Variants in SNX29 observed in about 807,000 individuals in gnomAD.
The protein encoded by SNX29 is sorting nexin-29.
A neutral mutation model predicts 102.1 loss-of-function variants in SNX29; 78 were observed. The observed-to-expected ratio is 0.76, with a 90% CI of 0.64 to 0.92. The LOEUF (loss-of-function observed/expected upper bound fraction) is 0.92, where lower values mean the gene tolerates loss of function less well. Ranked by LOEUF, SNX29 falls within the 40% of genes least tolerant of loss-of-function variation. SNX29 has a pLI of 0.00. For missense variants in SNX29, 1,280 were observed against 1,061.7 expected, an observed-to-expected ratio of 1.21 and a Z score of -2.86; for synonymous variants, 580 against 414.5, an observed-to-expected ratio of 1.40 and a Z score of -4.85.
At chr16:12,253,135 C>T (rs548832546) in intron 14 of SNX29, among the ~76,000 whole-genome samples, 1 of 152,312 alleles carries the variant, frequency 6.6e-6, no homozygotes, top group South Asian at 2.1e-4. Context: ...CCCTCAGCAG[C>T]ATGTGCCAGG....
At chr16:12,026,175 T>C (rs1430360112) in intron 3 of SNX29, among the ~76,000 whole-genome samples, 2 of 152,236 alleles carry the variant, frequency 1.3e-5, no homozygotes, top group Non-Finnish European at 2.9e-5. Context: ...CTTTCCAGCC[T>C]GCTGCCCTTG....
At chr16:12,087,744 G>A (rs2052279419) in intron 11 of SNX29, 1 of 415,772 alleles carries the variant, frequency 2.4e-6, no homozygotes, top group Non-Finnish European at 4.9e-6. Flanking sequence ...AAGTCACTGA[G>A]GCAGAGGCCA....
chr16:12,567,645 C>G (rs974578282), intron 20 of SNX29, among the ~76,000 whole-genome samples: 1 of 152,072 alleles, frequency 6.6e-6, no homozygotes, highest in Non-Finnish European at 1.5e-5. Flanking sequence ...ACCTATAGTC[C>G]CAGCTGCTCA....
chr16:12,432,933 G>T lies in SNX29; in HGVS notation c.2037+29404G>T, dbSNP rs776279711. Among the ~76,000 whole-genome samples the T allele has an allele frequency of 1.1e-4, 16 of 152,334 alleles. 1 individual carries two copies. In the South Asian group the frequency reaches 2.1e-3, roughly 20 times the overall value. The stretch of plus-strand genomic sequence containing the variant: ...TTTTAGGGAAGGGCTTTGGTGGACC[G>T]GACCTGGTGCATGGGGTAGTGTGAT... On this transcript the variant is annotated intron_variant, in intron 18 of 20. Coordinates refer to ENST00000566228, the MANE Select transcript of SNX29 (RefSeq NM_032167.5).
intron 20 of SNX29, among the ~76,000 whole-genome samples, chr16:12,561,577 A>G (rs551493599): frequency 2.0e-4 from 30 of 152,242 alleles, no homozygotes; most frequent in Non-Finnish European, 2.9e-4. Flanking sequence ...CTGTCCGATT[A>G]ATGTCAGCCG....
chr16:12,514,324 A>G (rs1567640998), intron 19 of SNX29, among the ~76,000 whole-genome samples: 2 of 151,996 alleles, frequency 1.3e-5, no homozygotes, highest in African/African-American at 4.8e-5. Flanking sequence ...AGCTCCCCCT[A>G]CCTCAGGCGC....
intron 18 of SNX29, among the ~76,000 whole-genome samples, chr16:12,408,157 C>CAAAAAAAAAAA (rs1555530421): frequency 4.9e-4 from 70 of 142,842 alleles, no homozygotes; most frequent in South Asian, 6.7e-4. Flanking sequence ...GGACCCTTCT[C>CAAAAAAAAAAA]AAAAAAACAA....
chr16:12,226,196 C>G (rs937348823), intron 14 of SNX29, among the ~76,000 whole-genome samples: 1 of 152,170 alleles, frequency 6.6e-6, no homozygotes, highest in Non-Finnish European at 1.5e-5. Context: ...TAGGCAGCCA[C>G]TAGAAAGGTG....
chr16:12,468,122 C>T (rs186024647), intron 18 of SNX29, among the ~76,000 whole-genome samples: 130 of 151,618 alleles, frequency 8.6e-4, no homozygotes, highest in Admixed American at 8.6e-3. Flanking sequence ...TCTGCCCTGC[C>T]CTTTGCCCTA....
intron 19 of SNX29, among the ~76,000 whole-genome samples, chr16:12,516,164 G>C (rs1256474102): frequency 6.6e-6 from 1 of 152,152 alleles, no homozygotes; most frequent in Non-Finnish European, 1.5e-5. Context: ...GAAGAAACGG[G>C]GTTGGTGAGC....
chr16:12,056,088 G>T (rs1472761527), intron 8 of SNX29, among the ~76,000 whole-genome samples: 3 of 152,096 alleles, frequency 2.0e-5, no homozygotes, highest in Non-Finnish European at 4.4e-5. Flanking sequence ...CACCATGTTG[G>T]CCAGGCCTGT....
At chr16:12,317,371 C>G (rs2080784246) in intron 15 of SNX29, among the ~76,000 whole-genome samples, 1 of 152,196 alleles carries the variant, frequency 6.6e-6, no homozygotes, top group African/African-American at 2.4e-5. Flanking sequence ...TGTCTTGGCT[C>G]TTCCGTGAAG....
rs114845146 is a variant in SNX29 at position 12,116,155 on chromosome 16, A to C, written c.1403-10478A>C. ...GTGGGAAACAGTTTGGTGGATCCTT[A>C]AAACGTTAGTGGAATTACCGCATGT... On this transcript the variant is annotated intron_variant, in intron 11 of 20. Transcript: ENST00000566228. 3.2e-3 allele frequency among the ~76,000 whole-genome samples: 494 copies of C among 152,350 alleles called. 3 individuals carry two copies. Among genetic ancestry groups the C allele is most frequent in the African/African-American group, 0.011 (470 of 41,582 alleles).
intron 4 of SNX29, among the ~76,000 whole-genome samples, chr16:12,035,005 C>T (rs1187780994): frequency 6.6e-6 from 1 of 151,376 alleles, no homozygotes; most frequent in Non-Finnish European, 1.5e-5. Context: ...AGCAAGACTC[C>T]ACCTCAAAAA....
intron 20 of SNX29, chr16:12,561,270 G>A (rs772268202): frequency 2.2e-5 from 5 of 230,038 alleles, no homozygotes; most frequent in Non-Finnish European, 3.4e-5. Flanking sequence ...GATCCAAGGG[G>A]CTAAGACACA....
At chr16:12,356,366 A>G in intron 16 of SNX29, 87 bp downstream of exon 16, 1 of 1,262,006 alleles carries the variant, frequency 7.9e-7, no homozygotes, top group Admixed American at 2.1e-5. Flanking sequence ...AGAGCAAGCA[A>G]CCATGCATCC....
chr16:12,435,816 G>T (rs914853500), intron 18 of SNX29, among the ~76,000 whole-genome samples: 1 of 152,200 alleles, frequency 6.6e-6, no homozygotes, highest in Non-Finnish European at 1.5e-5. Flanking sequence ...TGGTTCCCCT[G>T]GCTTCTGGGC....
At chr16:12,094,148 C>T (rs1361687177) in intron 11 of SNX29, among the ~76,000 whole-genome samples, 1 of 152,106 alleles carries the variant, frequency 6.6e-6, no homozygotes, top group Non-Finnish European at 1.5e-5. Context: ...ATCATAGTAC[C>T]CCTCTGACAC....
intron 15 of SNX29, among the ~76,000 whole-genome samples, chr16:12,333,599 G>A (rs1176939036): frequency 1.3e-5 from 2 of 152,136 alleles, no homozygotes; most frequent in African/African-American, 4.8e-5. Flanking sequence ...GCCTGGTGCT[G>A]TCTAGGTGTT....
Sources: gnomAD v4.1 joint callset for allele counts (sites outside exome capture counted in the v4.1 genomes callset) on GRCh38, gnomAD v4.1.1 for gene constraint, MANE v1.5 for transcripts, NCBI Gene and HGNC (gene_info 2026-07-23, HGNC 2026-07-21) for gene names.